The following PRELID2 variants were observed in gnomAD, a reference collection of about 807,000 sequenced individuals.
The protein encoded by PRELID2 is PRELI domain containing 2.
PRELID2 carries 25 observed loss-of-function variants against 28.4 expected under a neutral mutation model. The observed-to-expected ratio is 0.88, with a 90% CI of 0.64 to 1.23. The LOEUF is 1.23. Ranked by LOEUF, PRELID2 falls within the 50% of genes most tolerant of loss-of-function variation. The probability of loss-of-function intolerance (pLI) is 0.00; values close to 1 mark genes in which losing one functional copy is unlikely to be tolerated. For missense variants in PRELID2, 201 were observed against 214.4 expected, an observed-to-expected ratio of 0.94 and a Z score of 0.39; for synonymous variants, 76 against 71.6, an observed-to-expected ratio of 1.06 and a Z score of -0.31.
rs7733916 is a variant in PRELID2, at chr5:145,816,900, C to T, written c.368+994G>A. On this transcript the variant is annotated intron_variant, in intron 4 of 6. Transcript: ENST00000683046. The stretch of plus-strand genomic sequence containing the variant: ...TCTAGGCCAGGCACAGTGGATCACG[C>T]CTGGAATCCTAGCACTTTGGGAGGC... Among the ~76,000 whole-genome samples, 877 of 152,044 alleles carry T rather than the reference C, an allele frequency of 5.8e-3. 9 individuals are homozygous for T. The highest frequency in any genetic ancestry group is 0.02 in the African/African-American group (834 of 41,476).
intron 1 of PRELID2, among the ~76,000 whole-genome samples, chr5:145,586,417 T>C (rs1159710850): frequency 6.6e-6 from 1 of 151,986 alleles, no homozygotes; most frequent in Non-Finnish European, 1.5e-5. Flanking sequence ...CTGAGGCAGG[T>C]GGATCGCCTG....
downstream of PRELID2, among the ~76,000 whole-genome samples, chr5:145,751,674 T>G (rs1191777079): frequency 6.6e-6 from 1 of 152,184 alleles, no homozygotes; most frequent in Non-Finnish European, 1.5e-5. Flanking sequence ...TTGAGAAAAA[T>G]TAATGCTCCA....
At chr5:145,420,727 C>T in the PRELID2 span, among the ~76,000 whole-genome samples, 1 of 83,154 alleles carries the variant, frequency 1.2e-5, no homozygotes, top group African/African-American at 4.5e-5. Flanking sequence ...CCTTTATTTC[C>T]TTCTCCTGCC....
At chr5:145,364,217 C>T in the PRELID2 span, among the ~76,000 whole-genome samples, 4 of 151,866 alleles carry the variant, frequency 2.6e-5, no homozygotes, top group Non-Finnish European at 4.4e-5. Flanking sequence ...AGTATTCTGT[C>T]GATATCCAAA....
At chr5:145,368,137 A>G in the PRELID2 span, among the ~76,000 whole-genome samples, 1 of 151,958 alleles carries the variant, frequency 6.6e-6, no homozygotes, top group Non-Finnish European at 1.5e-5. Flanking sequence ...CAACTGGAAC[A>G]TGAGTTTCTT....
rs1353499049 is a variant in PRELID2 at position 145,756,874 on chromosome 5, G to A, written c.*3662C>T. On this transcript the variant is annotated 3_prime_UTR_variant, in exon 7 of 7. Transcript: ENST00000683046. Reference sequence around the variant, plus strand: ...AGAGATAAATGACAGATAAAAGTGAGGGAAAAGAAAAACTCTAAAAACCAT... The same window carrying A: ...AGAGATAAATGACAGATAAAAGTGAAGGAAAAGAAAAACTCTAAAAACCAT... 6.6e-6 allele frequency among the ~76,000 whole-genome samples: 1 copy of A among 152,112 alleles called. No homozygotes were observed. The highest frequency in any genetic ancestry group is 1.5e-5 in the Non-Finnish European group (1 of 68,026).
intron 6 of PRELID2, 101 bp downstream of exon 6, chr5:145,764,830 T>G: frequency 2.6e-6 from 2 of 776,474 alleles, no homozygotes; most frequent in Non-Finnish European, 4.5e-6. Flanking sequence ...CTGGGAAATG[T>G]GCAGCGTGAA....
chr5:145,612,516 C>G (rs1444271589), intron 1 of PRELID2, among the ~76,000 whole-genome samples: 1 of 152,038 alleles, frequency 6.6e-6, no homozygotes, highest in East Asian at 1.9e-4. Context: ...GTTACATGAG[C>G]AAGTTCTTTA....
the PRELID2 span, among the ~76,000 whole-genome samples, chr5:145,355,672 A>G: frequency 2.6e-5 from 4 of 152,296 alleles, no homozygotes; most frequent in Admixed American, 6.5e-5. Context: ...TGAGTTCAGC[A>G]TAAAGGCAGA....
At chr5:145,524,132 A>G (rs902157499) in intron 1 of PRELID2, among the ~76,000 whole-genome samples, 1 of 151,894 alleles carries the variant, frequency 6.6e-6, no homozygotes, top group Non-Finnish European at 1.5e-5. Flanking sequence ...GAAGCACACC[A>G]CTCTGTGCCA....
At chr5:145,588,137 G>A (rs1055520336) in intron 1 of PRELID2, among the ~76,000 whole-genome samples, 2 of 152,124 alleles carry the variant, frequency 1.3e-5, no homozygotes, top group Non-Finnish European at 2.9e-5. Context: ...GAACATCACT[G>A]TCATCAACAT....
chr5:145,501,382 G>T (rs952058041), intron 1 of PRELID2, among the ~76,000 whole-genome samples: 2 of 152,080 alleles, frequency 1.3e-5, no homozygotes, highest in Non-Finnish European at 2.9e-5. Flanking sequence ...TGTCTATTCT[G>T]TAGGGGCTTG....
chr5:145,496,347 A>C (rs775115589), intron 1 of PRELID2, among the ~76,000 whole-genome samples: 1 of 152,194 alleles, frequency 6.6e-6, no homozygotes, highest in Non-Finnish European at 1.5e-5. Flanking sequence ...TGGACAAGAG[A>C]TATAAACTTG....
At chr5:145,307,287 C>A in the PRELID2 span, among the ~76,000 whole-genome samples, 1 of 152,128 alleles carries the variant, frequency 6.6e-6, no homozygotes, top group African/African-American at 2.4e-5. Flanking sequence ...GAAGCCAGGC[C>A]GAAGCCCAGT....
intron 1 of PRELID2, among the ~76,000 whole-genome samples, chr5:145,635,286 C>A (rs1753985334): frequency 6.6e-6 from 1 of 152,054 alleles, no homozygotes; most frequent in African/African-American, 2.4e-5. Flanking sequence ...GTTTAGTCAT[C>A]ACAGAATCTA....
At chr5:145,266,375 C>T in the PRELID2 span, among the ~76,000 whole-genome samples, 1 of 147,850 alleles carries the variant, frequency 6.8e-6, no homozygotes. Context: ...AAAAAAAGGG[C>T]TAAGGACATG....
chr5:145,652,714 AC>A (rs1432872327), intron 1 of PRELID2, among the ~76,000 whole-genome samples: 51 of 152,342 alleles, frequency 3.3e-4, no homozygotes, highest in Non-Finnish European at 5.9e-5. Flanking sequence ...AGATTTTGTG[AC>A]CACCAGGCCT....
At chr5:145,576,080 C>T (rs1160909825) in intron 1 of PRELID2, among the ~76,000 whole-genome samples, 1 of 152,156 alleles carries the variant, frequency 6.6e-6, no homozygotes, top group Non-Finnish European at 1.5e-5. Flanking sequence ...TATTTATGTG[C>T]TGTCATGGGC....
the PRELID2 span, among the ~76,000 whole-genome samples, chr5:145,237,035 A>G: frequency 9.9e-5 from 15 of 152,236 alleles, no homozygotes; most frequent in East Asian, 2.9e-3. Flanking sequence ...TGACATACAC[A>G]TCAGAGCAAA....
Sources: gnomAD v4.1 joint callset for allele counts (sites outside exome capture counted in the v4.1 genomes callset) on GRCh38, gnomAD v4.1.1 for gene constraint, MANE v1.5 for transcripts, NCBI Gene and HGNC (gene_info 2026-07-23, HGNC 2026-07-21) for gene names.